The following SBF2 variants were observed in gnomAD, a reference collection of about 807,000 sequenced individuals.
The protein encoded by SBF2 is SET binding factor 2.
A neutral mutation model predicts 225.2 loss-of-function variants in SBF2; 112 were observed. That is an observed-to-expected ratio of 0.50 (90% confidence interval 0.43 to 0.58). SBF2 has a LOEUF of 0.58. Among genes scored for constraint, SBF2 ranks in the 20% least tolerant of loss-of-function variants. The pLI, the probability that SBF2 is intolerant of heterozygous loss-of-function variation, is 0.00. For missense variants in SBF2, 1,996 were observed against 2,206.2 expected, an observed-to-expected ratio of 0.90 and a Z score of 1.91; for synonymous variants, 763 against 773.3, an observed-to-expected ratio of 0.99 and a Z score of 0.22.
At chr11:10,246,853 T>C (rs56875307) in intron 1 of SBF2, among the ~76,000 whole-genome samples, 1,630 of 152,234 alleles carry the variant, frequency 0.011, 34 homozygotes, top group African/African-American at 0.037. Flanking sequence ...AGCAGGAGAA[T>C]TGCTTGAGTC....
At chr11:10,201,887 C>T (rs1957582469) in intron 1 of SBF2, among the ~76,000 whole-genome samples, 1 of 152,088 alleles carries the variant, frequency 6.6e-6, no homozygotes. Context: ...TAAAAAAATG[C>T]ATTTTTAAGT....
At chr11:9,822,442 A>G (rs1854817222) in intron 28 of SBF2, among the ~76,000 whole-genome samples, 1 of 151,982 alleles carries the variant, frequency 6.6e-6, no homozygotes, top group East Asian at 1.9e-4. Flanking sequence ...TTGTATTTTT[A>G]GTAGAGACAG....
In SBF2 at chr11:9,816,913, C is replaced by T; in HGVS notation, c.3905G>A (p.Ser1302Asn). ...CAAGAGCTGGTTTTGTAGGTAGCTG[C>T]TGTTACTGAAGGAGGCCGAGTGATC... ...GKDHSASFSN[S>N]SYLQNQLLKR... Residue 1302 changes from serine to asparagine, a missense_variant, in exon 29 of 40, where the codon AGC becomes AAC. Coordinates refer to ENST00000256190, the MANE Select transcript of SBF2 (RefSeq NM_030962.4). 1 of 1,614,146 alleles carries T rather than the reference C, an allele frequency of 6.2e-7. No individual in the cohort carries two copies. Among genetic ancestry groups the T allele is most frequent in the Non-Finnish European group, 8.5e-7 (1 of 1,180,024 alleles).
intron 16 of SBF2, among the ~76,000 whole-genome samples, chr11:9,935,403 C>G (rs942907339): frequency 2.6e-5 from 4 of 152,084 alleles, no homozygotes; most frequent in African/African-American, 7.2e-5. Context: ...ATATTCAATG[C>G]CATCCCCATC....
At chr11:10,301,807 A>T (rs73420937) in intron 1 of SBF2, among the ~76,000 whole-genome samples, 10 of 152,320 alleles carry the variant, frequency 6.6e-5, no homozygotes, top group Admixed American at 1.3e-4. Flanking sequence ...AAATCATTCA[A>T]TTGGAATGTG....
In SBF2 at chr11:10,199,832, T is replaced by C. The variant is rs181848398; in HGVS notation, c.56-5845A>G. ...GACTCAACTGGAACCCTTGTGCATG[T>C]TGATGGCAATGTCAAATGGTGTACC... On this transcript the variant is annotated intron_variant, in intron 1 of 39. Transcript: ENST00000256190. Among the ~76,000 whole-genome samples, 161 of 151,968 alleles carry C rather than the reference T, an allele frequency of 1.1e-3. 1 individual carries two copies. Among genetic ancestry groups the C allele is most frequent in the African/African-American group, 3.8e-3 (157 of 41,430 alleles).
intron 21 of SBF2, 31 bp downstream of exon 21, chr11:9,852,645 T>G (rs767847913): frequency 1.3e-6 from 2 of 1,517,528 alleles, no homozygotes; most frequent in South Asian, 2.2e-5. Context: ...GAAGAGAGGC[T>G]ATACCCTGAA....
At position 9,829,480 on chromosome 11, in the gene SBF2, T is replaced by C; in HGVS notation, c.3669A>G (p.Leu1223=). The C allele has an allele frequency of 6.2e-7, 1 of 1,612,078 alleles. No individual in the cohort carries two copies. The highest frequency in any genetic ancestry group is 8.5e-7 in the Non-Finnish European group (1 of 1,178,140). The change falls in exon 28 of 40, where the codon TTA becomes TTG. Residue 1223 remains leucine, a synonymous_variant. Transcript: ENST00000256190. ...CTTGTTCTATGCTACTGGAAGATTC[T>C]AAAGAGGAGGTAGGAGCTATAAAAG... ...NSPQAAPTSS[L]ESSSSIEQEK...
At chr11:10,280,221 T>A (rs980977986) in intron 1 of SBF2, among the ~76,000 whole-genome samples, 8 of 152,124 alleles carry the variant, frequency 5.3e-5, no homozygotes, top group Admixed American at 5.2e-4. Flanking sequence ...TCTCCAAGAT[T>A]AACGAAATGA....
At chr11:9,816,697 G>T in intron 29 of SBF2, 143 bp downstream of exon 29, 1 of 566,368 alleles carries the variant, frequency 1.8e-6, no homozygotes, top group Non-Finnish European at 3.0e-6. Context: ...TACAAAAGGA[G>T]AGCTAAATTT....
chr11:9,795,390 A>G (rs1853060760), intron 33 of SBF2, among the ~76,000 whole-genome samples: 1 of 152,202 alleles, frequency 6.6e-6, no homozygotes. Flanking sequence ...TGAGGCTCAG[A>G]GAGGTACTTA....
rs918671581 is a variant in SBF2, at chr11:9,972,647, A to C, written c.1396-4102T>G. On this transcript the variant is annotated intron_variant, in intron 13 of 39. Coordinates refer to ENST00000256190, the MANE Select transcript of SBF2 (RefSeq NM_030962.4). ...AGGTGTGCACCACCACGCCTGGCTA[A>C]TTCTTTTGTATTTTTAGTAGAGACG... Among the ~76,000 whole-genome samples, 4 of 151,848 alleles carry C rather than the reference A, an allele frequency of 2.6e-5. 1 individual carries two copies. The South Asian group carries it at 8.3e-4, about 32-fold the overall frequency.
chr11:10,151,843 T>A (rs1955209185), intron 2 of SBF2, among the ~76,000 whole-genome samples: 1 of 152,246 alleles, frequency 6.6e-6, no homozygotes, highest in Non-Finnish European at 1.5e-5. Context: ...ATATGATTCC[T>A]ATATCACCCA....
chr11:10,173,511 C>T (rs559478132), intron 2 of SBF2, among the ~76,000 whole-genome samples: 339 of 152,332 alleles, frequency 2.2e-3, no homozygotes, highest in African/African-American at 7.3e-3. Flanking sequence ...GAGGGTCCTA[C>T]GCCCACGGAG....
At chr11:10,140,553 T>C (rs1954596355) in intron 2 of SBF2, among the ~76,000 whole-genome samples, 1 of 152,218 alleles carries the variant, frequency 6.6e-6, no homozygotes, top group Admixed American at 6.5e-5. Context: ...TGTCTTGCAT[T>C]TGGTTATTCC....
intron 6 of SBF2, among the ~76,000 whole-genome samples, chr11:10,021,776 A>C (rs987858391): frequency 2.0e-5 from 3 of 152,162 alleles, no homozygotes; most frequent in African/African-American, 4.8e-5. Context: ...CAGCTCGTGA[A>C]CTCTGATAAT....
chr11:10,185,618 C>CTT (rs202109502), intron 2 of SBF2, among the ~76,000 whole-genome samples: 2,908 of 137,070 alleles, frequency 0.021, 39 homozygotes, highest in Non-Finnish European at 0.034. Context: ...CTGTGCTTGG[C>CTT]TTTTTTTTTT....
chr11:9,788,761 A>T (rs1408331056), intron 35 of SBF2, among the ~76,000 whole-genome samples: 9 of 134,832 alleles, frequency 6.7e-5, no homozygotes, highest in Middle Eastern at 3.5e-3. Context: ...CGCCCGGCTA[A>T]TTTTTTTTTT....
intron 36 of SBF2, among the ~76,000 whole-genome samples, chr11:9,787,422 A>G (rs1355719095): frequency 6.6e-6 from 1 of 152,156 alleles, no homozygotes; most frequent in Non-Finnish European, 1.5e-5. Flanking sequence ...AGACATAAGT[A>G]TTATGTCACT....
Sources: gnomAD v4.1 joint callset for allele counts (sites outside exome capture counted in the v4.1 genomes callset) on GRCh38, gnomAD v4.1.1 for gene constraint, MANE v1.5 for transcripts, NCBI Gene and HGNC (gene_info 2026-07-23, HGNC 2026-07-21) for gene names.